The following GTF3C3 variants were observed in gnomAD, a reference collection of about 807,000 sequenced individuals.
GTF3C3 encodes general transcription factor IIIC subunit 3, also known as general transcription factor 3C polypeptide 3.
GTF3C3 carries 75 observed loss-of-function variants against 105.2 expected under a neutral mutation model. That is an observed-to-expected ratio of 0.71 (90% confidence interval 0.59 to 0.86). The LOEUF (loss-of-function observed/expected upper bound fraction) is 0.86. GTF3C3 is among the 40% of genes least tolerant of loss of function. GTF3C3 has a pLI of 0.00. For synonymous variants in GTF3C3, 335 were observed against 370.4 expected (o/e 0.90, Z 1.10); for missense variants, 856 against 1,076.5 (o/e 0.80, Z 2.87).
intron 16 of GTF3C3, among the ~76,000 whole-genome samples, chr2:196,768,822 A>C (rs1699117449): frequency 6.6e-6 from 1 of 152,182 alleles, no homozygotes; most frequent in Non-Finnish European, 1.5e-5. Context: ...TACCAAGCCC[A>C]AAAACTACAT....
chr2:196,775,182 T>G lies in GTF3C3; in HGVS notation c.1765A>C (p.Ile589Leu). Reference sequence around the variant, plus strand: ...GATATTTTGTCTCTCGATACTTTAATAAGATAAAGATGCCTCTCTCCAGAC... The same window carrying G: ...GATATTTTGTCTCTCGATACTTTAAGAAGATAAAGATGCCTCTCTCCAGAC... ...SKSGERHLYL[I>L]KVSRDKISDS... The change falls in exon 13 of 18, where the codon ATT (isoleucine) becomes CTT (leucine). Residue 589 changes from isoleucine (I) to leucine (L), a missense_variant. By Grantham distance (5) the Ile-to-Leu change is conservative. Around this residue, in one of 3 missense-constraint regions of GTF3C3, gnomAD observed 605 missense variants for 833.6 expected, o/e 0.73. Coordinates refer to ENST00000263956, the MANE Select transcript of GTF3C3 (RefSeq NM_012086.5). 1 of 1,613,118 alleles carries G rather than the reference T, an allele frequency of 6.2e-7. No homozygotes were observed. The highest frequency in any genetic ancestry group is 8.5e-7 in the Non-Finnish European group (1 of 1,179,228).
At position 196,769,840 on chromosome 2, in the gene GTF3C3, T is replaced by A; in HGVS notation, c.2385+75A>T. ...ATTGTGTATTACTTTTGAAGCAGGATTTTTAAAAAAAGTATTAAGTATATT... is the reference window on the plus strand; with the variant it reads ...ATTGTGTATTACTTTTGAAGCAGGAATTTTAAAAAAAGTATTAAGTATATT... On this transcript the variant is annotated intron_variant, in intron 16 of 17. Coordinates refer to ENST00000263956, the MANE Select transcript of GTF3C3 (RefSeq NM_012086.5). The A allele has an allele frequency of 3.1e-6, 4 of 1,296,756 alleles. No homozygotes were observed. The South Asian group carries it at 5.3e-5, about 17-fold the overall frequency. The allele number at this position is 1,296,756 out of a possible 1,614,324, so 80.3% of individuals were successfully genotyped here.
At chr2:196,785,341 T>C (rs1353098965) in intron 7 of GTF3C3, 100 bp downstream of exon 7, 3 of 793,878 alleles carry the variant, frequency 3.8e-6, no homozygotes, top group Non-Finnish European at 6.0e-6. Flanking sequence ...TTTAAATATA[T>C]ACATAATTTA....
intron 7 of GTF3C3, 26 bp from the exon 8 acceptor site, chr2:196,784,955 A>G: frequency 6.9e-7 from 1 of 1,455,414 alleles, no homozygotes; most frequent in Non-Finnish European, 9.6e-7. Flanking sequence ...AGAAGAAAGG[A>G]AATAAAATAT....
At chr2:196,778,833 G>T in intron 10 of GTF3C3, 63 bp downstream of exon 10, 1 of 1,398,930 alleles carries the variant, frequency 7.1e-7, no homozygotes, top group Non-Finnish European at 1.0e-6. Flanking sequence ...TTACCATCTT[G>T]GGAAAGTAAG....
At position 196,785,447 on chromosome 2, in the gene GTF3C3, A is replaced by C; in HGVS notation, c.1035T>G (p.Ala345=). The change falls in exon 7 of 18, where the codon GCT becomes GCG. Residue 345 remains alanine, a synonymous_variant. Coordinates refer to ENST00000263956, the MANE Select transcript of GTF3C3 (RefSeq NM_012086.5). ...LYISNKQYDK[A]LEIITDFSGI... ...AACACATAAGCATTCCTACCTCCAAAGCTTTGTCATACTGTTTGTTAGAAA... is the reference window on the plus strand; with the variant it reads ...AACACATAAGCATTCCTACCTCCAACGCTTTGTCATACTGTTTGTTAGAAA... 3.1e-6 allele frequency: 5 copies of C among 1,597,066 alleles called. No homozygotes were observed.
At chr2:196,796,297 T>C (rs1275193350) in intron 2 of GTF3C3, among the ~76,000 whole-genome samples, 1 of 152,232 alleles carries the variant, frequency 6.6e-6, no homozygotes, top group South Asian at 2.1e-4. Context: ...CTGCTCATCA[T>C]GAGCCTGAAT....
At position 196,785,559 on chromosome 2, in the gene GTF3C3, G is replaced by A. The variant is rs1699440822; in HGVS notation, c.923C>T (p.Ser308Phe). The change falls in exon 7 of 18, where the codon TCT becomes TTT. Residue 308 changes from serine to phenylalanine, a missense_variant. Around this residue, in one of 3 missense-constraint regions of GTF3C3, gnomAD observed 605 missense variants for 833.6 expected, o/e 0.73. Transcript: ENST00000263956. ...AGCTTCATCAATTATGTTAATAGCAGAAGTAACATCATTGGCTTCATAGTA... is the reference window on the plus strand; with the variant it reads ...AGCTTCATCAATTATGTTAATAGCAAAAGTAACATCATTGGCTTCATAGTA... ...KSYYEANDVT[S>F]AINIIDEAFS... is the part of the protein sequence containing the mutation. The A allele has an allele frequency of 6.2e-7, 1 of 1,607,240 alleles. No homozygotes were observed. The highest frequency in any genetic ancestry group is 8.5e-7 in the Non-Finnish European group (1 of 1,174,732).
chr2:196,785,881 T>C (rs1441748340), intron 6 of GTF3C3, among the ~76,000 whole-genome samples: 1 of 152,152 alleles, frequency 6.6e-6, no homozygotes, highest in Admixed American at 6.6e-5. Context: ...CTACAAAGCA[T>C]AGGTCCTACC....
At chr2:196,766,906 AT>A (rs989925912) in intron 16 of GTF3C3, 189 bp from the exon 17 acceptor site, 21 of 387,320 alleles carry the variant, frequency 5.4e-5, no homozygotes, top group East Asian at 2.3e-4. Flanking sequence ...AGATGTAAGA[AT>A]TTTTTTTAGC....
At chr2:196,775,545 T>A (rs1346693345) in intron 12 of GTF3C3, among the ~76,000 whole-genome samples, 1 of 152,180 alleles carries the variant, frequency 6.6e-6, no homozygotes, top group East Asian at 1.9e-4. Flanking sequence ...TGAACTGACT[T>A]ATTTTTCTCT....
chr2:196,781,357 A>AAAAAATATATAT, intron 8 of GTF3C3, among the ~76,000 whole-genome samples: 19 of 18,800 alleles, frequency 1.0e-3, no homozygotes, highest in Admixed American at 3.0e-3. Flanking sequence ...AAAAAAAAAA[A>AAAAAATATATAT]ATATATATAT....
chr2:196,769,143 A>G (rs1352097635), intron 16 of GTF3C3, among the ~76,000 whole-genome samples: 1 of 152,184 alleles, frequency 6.6e-6, no homozygotes, highest in East Asian at 1.9e-4. Context: ...TACAACAGTA[A>G]AGAGACCACC....
Position 196,784,842 on chromosome 2 carries a change from A to C in GTF3C3, c.1114+15T>G. 6.2e-7 allele frequency: 1 copy of C among 1,602,128 alleles called. No individual in the cohort carries two copies. Among genetic ancestry groups the C allele is most frequent in the Non-Finnish European group, 8.5e-7 (1 of 1,175,552 alleles). ...GAGGATTATATACACTTTCCTAAGC[A>C]GAGGAAACTACAACCTTTATTCTCT... is the stretch of plus-strand genomic sequence containing the variant. On this transcript the variant is annotated intron_variant, in intron 8 of 17. Transcript: ENST00000263956.
Position 196,794,316 on chromosome 2 carries a change from C to T in GTF3C3, c.215-1164G>A, listed in dbSNP as rs543040241. 2.0e-3 allele frequency among the ~76,000 whole-genome samples: 304 copies of T among 151,910 alleles called. 2 individuals carry two copies. Among genetic ancestry groups the T allele is most frequent in the African/African-American group, 6.8e-3 (282 of 41,380 alleles). On this transcript the variant is annotated intron_variant, in intron 2 of 17. Coordinates refer to ENST00000263956, the MANE Select transcript of GTF3C3 (RefSeq NM_012086.5). ...GTTTCAAGTATTCTGTTATAAGCAACGGAAAACACAAAGATAGACATGTAA... is the reference window on the plus strand; with the variant it reads ...GTTTCAAGTATTCTGTTATAAGCAATGGAAAACACAAAGATAGACATGTAA...
chr2:196,790,185 A>T, intron 4 of GTF3C3, 115 bp from the exon 5 acceptor site: 1 of 552,388 alleles, frequency 1.8e-6, no homozygotes, highest in Non-Finnish European at 3.0e-6. Context: ...TCTTCAAATC[A>T]CTCTAGCAGA....
chr2:196,791,505 C>A, intron 3 of GTF3C3, 45 bp from the exon 4 acceptor site: 2 of 1,514,172 alleles, frequency 1.3e-6, no homozygotes, highest in Admixed American at 1.9e-5. Context: ...ATAGTGAAGT[C>A]TTAGATTTCA....
rs986407092 is a variant in GTF3C3, at chr2:196,786,970, T to C, written c.894-1382A>G. On this transcript the variant is annotated intron_variant, in intron 6 of 17. Coordinates refer to ENST00000263956, the MANE Select transcript of GTF3C3 (RefSeq NM_012086.5). This position sits in a 1 kb window ranked among gnomAD's most constrained non-coding sequence, Gnocchi z 4.2. ...TCTTCAATTAAATTCTAGAACATCA[T>C]GCTGTTCTCAGTTTCCTGCTACTTC... is the stretch of plus-strand genomic sequence containing the variant. Among the ~76,000 whole-genome samples, 4 of 152,268 alleles carry C rather than the reference T, an allele frequency of 2.6e-5. No individual in the cohort carries two copies. Among genetic ancestry groups the C allele is most frequent in the Admixed American group, 6.5e-5 (1 of 15,284 alleles).
At chr2:196,792,195 T>TAAC (rs1377297921) in intron 3 of GTF3C3, among the ~76,000 whole-genome samples, 14 of 152,280 alleles carry the variant, frequency 9.2e-5, no homozygotes, top group Non-Finnish European at 1.6e-4. Flanking sequence ...TCTCACTCTG[T>TAAC]TGCCCAGGCT....
Sources: allele counts gnomAD v4.1 joint callset (sites outside exome capture counted in the v4.1 genomes callset), GRCh38; gene constraint gnomAD v4.1.1; regional missense constraint gnomAD v4.1.1; non-coding constraint Gnocchi (gnomAD v3.1); transcripts MANE v1.5; gene names NCBI Gene and HGNC (gene_info 2026-07-23, HGNC 2026-07-21).